The following UCHL1 variants were observed in gnomAD, a reference collection of about 807,000 sequenced individuals.
UCHL1 encodes ubiquitin carboxyl-terminal hydrolase isozyme L1.
In UCHL1, 5 loss-of-function variants were observed where a neutral mutation model predicts 33.3. The observed-to-expected ratio is 0.15, with a 90% CI of 0.08 to 0.32. The LOEUF (loss-of-function observed/expected upper bound fraction) is 0.32, where lower values mean the gene tolerates loss of function less well. Among genes scored for constraint, UCHL1 ranks in the 10% least tolerant of loss-of-function variants. UCHL1 has a pLI of 1.00. For synonymous variants in UCHL1, 132 were observed against 108.8 expected (o/e 1.21, Z -1.33); for missense variants, 236 against 280.0 (o/e 0.84, Z 1.12).
In UCHL1 at chr4:41,256,972, C is replaced by G. The variant is rs958992248; in HGVS notation, c.-5C>G. On this transcript the variant is annotated 5_prime_UTR_variant, in exon 1 of 9. Transcript: ENST00000284440. ...TAGGCTATTTCTGCCGGGCGCTCCG[C>G]GAAGATGCAGCTCAAGCCGATGGAG... 1 of 1,614,148 alleles carries G rather than the reference C, an allele frequency of 6.2e-7. No homozygotes were observed. The highest frequency in any genetic ancestry group is 8.5e-7 in the Non-Finnish European group (1 of 1,180,016).
Position 41,264,515 on chromosome 4 carries a change from T to C in UCHL1, c.585+354T>C, listed in dbSNP as rs1425608899. On this transcript the variant is annotated intron_variant, in intron 8 of 8. Transcript: ENST00000284440. The stretch of plus-strand genomic sequence containing the variant: ...CTCACAAAACAGCAGCCTTTCATAA[T>C]CCCTCTAAGACAACGGGATTTGGGT... 1.1e-5 allele frequency: 4 copies of C among 374,352 alleles called. No individual in the cohort carries two copies. The Admixed American group carries it at 1.2e-4, about 11-fold the overall frequency. The allele number at this position is 374,352 out of a possible 1,614,324, so 23.2% of individuals were successfully genotyped here.
At chr4:41,263,593 T>A (rs1781107930) in intron 7 of UCHL1, among the ~76,000 whole-genome samples, 1 of 152,248 alleles carries the variant, frequency 6.6e-6, no homozygotes, top group South Asian at 2.1e-4. Context: ...GAATAACTTC[T>A]ATTAACTAGT....
chr4:41,261,280 G>A (rs557684694), intron 4 of UCHL1, among the ~76,000 whole-genome samples: 14 of 152,254 alleles, frequency 9.2e-5, no homozygotes, highest in South Asian at 6.2e-4. Flanking sequence ...TGATTATAGC[G>A]TCATGTATAT....
intron 6 of UCHL1, among the ~76,000 whole-genome samples, chr4:41,262,463 A>T (rs1285509209): frequency 6.6e-6 from 1 of 152,122 alleles, no homozygotes; most frequent in African/African-American, 2.4e-5. Flanking sequence ...AGTCTTATAG[A>T]GTGTACACCT....
intron 6 of UCHL1, 72 bp from the exon 7 acceptor site, chr4:41,263,153 T>G: frequency 8.4e-7 from 1 of 1,189,424 alleles, no homozygotes; most frequent in Non-Finnish European, 1.3e-6. Flanking sequence ...CAAGCACATT[T>G]CACTTGAATT....
At chr4:41,258,127 G>C (rs146740294) in intron 3 of UCHL1, among the ~76,000 whole-genome samples, 26 of 152,284 alleles carry the variant, frequency 1.7e-4, no homozygotes, top group African/African-American at 6.0e-4. Flanking sequence ...TTGCTTCTCA[G>C]ACTCCCACCT....
At chr4:41,261,647 A>T in intron 4 of UCHL1, 68 bp from the exon 5 acceptor site, 1 of 1,543,814 alleles carries the variant, frequency 6.5e-7, no homozygotes, top group Non-Finnish European at 8.9e-7. Context: ...CAAAGGCTTA[A>T]GTCAACAATA....
intron 2 of UCHL1, 48 bp downstream of exon 2, chr4:41,257,174 G>A: frequency 1.9e-6 from 3 of 1,610,956 alleles, no homozygotes; most frequent in African/African-American, 2.7e-5. Context: ...CGCGAGCGCC[G>A]AGGCGGGGGC....
At chr4:41,263,435 A>G (rs1009480921) in intron 7 of UCHL1, 144 bp downstream of exon 7, 2 of 841,388 alleles carry the variant, frequency 2.4e-6, no homozygotes, top group Admixed American at 2.0e-5. Flanking sequence ...TCATGAGGGC[A>G]CTTAACCCCT....
intron 7 of UCHL1, among the ~76,000 whole-genome samples, chr4:41,263,532 A>T (rs1420474157): frequency 6.6e-6 from 1 of 152,224 alleles, no homozygotes; most frequent in Non-Finnish European, 1.5e-5. Flanking sequence ...CTGAAAAAGG[A>T]TCAGTGCCTG....
chr4:41,265,739 G>GAA (rs1347522655), intron 8 of UCHL1, among the ~76,000 whole-genome samples: 1 of 152,194 alleles, frequency 6.6e-6, no homozygotes, highest in Non-Finnish European at 1.5e-5. Flanking sequence ...TCTTAATAGG[G>GAA]AAGGTTGATT....
At chr4:41,265,231 C>T (rs1319962958) in intron 8 of UCHL1, among the ~76,000 whole-genome samples, 2 of 152,184 alleles carry the variant, frequency 1.3e-5, no homozygotes, top group Admixed American at 6.5e-5. Context: ...GCTGACAAAA[C>T]TCAAGAGTTT....
chr4:41,266,627 G>T (rs369411010), intron 8 of UCHL1, among the ~76,000 whole-genome samples: 1 of 152,086 alleles, frequency 6.6e-6, no homozygotes, highest in Non-Finnish European at 1.5e-5. Flanking sequence ...ATACTCTTTG[G>T]TTGCTTTTTT....
intron 8 of UCHL1, among the ~76,000 whole-genome samples, chr4:41,264,672 T>G (rs1268660271): frequency 6.6e-6 from 1 of 152,122 alleles, no homozygotes; most frequent in Non-Finnish European, 1.5e-5. Context: ...ACTGTTAATA[T>G]CCAGGATCAC....
intron 6 of UCHL1, 96 bp from the exon 7 acceptor site, chr4:41,263,129 A>G: frequency 1.0e-6 from 1 of 963,382 alleles, no homozygotes; most frequent in Non-Finnish European, 1.7e-6. Flanking sequence ...TAATTTCTAA[A>G]AATCAAGTCA....
chr4:41,263,133 C>T, intron 6 of UCHL1, 92 bp from the exon 7 acceptor site: 1 of 980,382 alleles, frequency 1.0e-6, no homozygotes, highest in Non-Finnish European at 1.6e-6. Context: ...TTCTAAAAAT[C>T]AAGTCAGTTC....
chr4:41,262,457 TTA>T (rs1299327468), intron 6 of UCHL1, among the ~76,000 whole-genome samples: 1 of 152,052 alleles, frequency 6.6e-6, no homozygotes, highest in African/African-American at 2.4e-5. Context: ...CAAATGAGTC[TTA>T]TAGAGTGTAC....
chr4:41,257,402 T>G (rs1441769497), intron 2 of UCHL1: 1 of 889,654 alleles, frequency 1.1e-6, no homozygotes, highest in African/African-American at 1.8e-5. Flanking sequence ...CAGACTCGGC[T>G]GCACGGGCTT....
intron 8 of UCHL1, among the ~76,000 whole-genome samples, chr4:41,266,845 C>T (rs762076431): frequency 1.3e-5 from 2 of 152,076 alleles, no homozygotes; most frequent in African/African-American, 2.4e-5. Context: ...GAGCTCAAGT[C>T]ATCCGCTGCC....
Sources: allele counts gnomAD v4.1 joint callset (sites outside exome capture counted in the v4.1 genomes callset), GRCh38; gene constraint gnomAD v4.1.1; transcripts MANE v1.5; gene names NCBI Gene and HGNC (gene_info 2026-07-23, HGNC 2026-07-21).